The following TAFA2 variants were observed in gnomAD, a reference collection of about 807,000 sequenced individuals.
TAFA2 encodes the protein chemokine-like protein TAFA-2.
A neutral mutation model predicts 18.8 loss-of-function variants in TAFA2; 7 were observed. The observed-to-expected ratio is 0.37, with a 90% CI of 0.21 to 0.70. The LOEUF is 0.70. Among genes scored for constraint, TAFA2 ranks in the 30% least tolerant of loss-of-function variants. TAFA2 has a pLI of 0.53. For synonymous variants in TAFA2, 60 were observed against 54.2 expected (o/e 1.11, Z -0.47); for missense variants, 122 against 158.1 (o/e 0.77, Z 1.23).
intron 1 of TAFA2, among the ~76,000 whole-genome samples, chr12:62,118,930 T>C (rs976455951): frequency 2.0e-5 from 3 of 152,140 alleles, no homozygotes; most frequent in African/African-American, 7.2e-5. Flanking sequence ...AACTAAAGCT[T>C]TTAATTTTAA....
At chr12:62,078,586 T>G (rs77771204) in intron 1 of TAFA2, among the ~76,000 whole-genome samples, 2,857 of 152,186 alleles carry the variant, frequency 0.019, 96 homozygotes, top group African/African-American at 0.065. Flanking sequence ...TAAAGAAGCA[T>G]GTTATCAGAC....
At chr12:61,882,767 A>C (rs1875204173) in intron 1 of TAFA2, among the ~76,000 whole-genome samples, 1 of 152,160 alleles carries the variant, frequency 6.6e-6, no homozygotes, top group African/African-American at 2.4e-5. Context: ...ATAACACAGA[A>C]AGAATGCAGG....
chr12:61,817,494 G>T (rs1481872808), intron 2 of TAFA2, among the ~76,000 whole-genome samples: 1 of 152,054 alleles, frequency 6.6e-6, no homozygotes, highest in Non-Finnish European at 1.5e-5. Context: ...TGACTTACTG[G>T]AAATCTTACA....
At chr12:61,753,872 G>T in intron 3 of TAFA2, 126 bp from the exon 4 acceptor site, 1 of 673,320 alleles carries the variant, frequency 1.5e-6, no homozygotes, top group Non-Finnish European at 2.3e-6. Context: ...TTTGAGGTAT[G>T]CCTTTCTTTT....
intron 1 of TAFA2, among the ~76,000 whole-genome samples, chr12:62,181,993 C>CCCA (rs1555196470): frequency 3.4e-5 from 5 of 148,518 alleles, no homozygotes; most frequent in South Asian, 2.2e-4. Flanking sequence ...AAGTCCATCC[C>CCCA]CCCCCCGCTA....
chr12:61,919,697 TTATG>T (rs1302324876), intron 1 of TAFA2, among the ~76,000 whole-genome samples: 1 of 151,514 alleles, frequency 6.6e-6, no homozygotes, highest in Admixed American at 6.6e-5. Context: ...TATTTTATAC[TTATG>T]TTTTATTTCA....
At chr12:62,117,266 G>A (rs1027253736) in intron 1 of TAFA2, among the ~76,000 whole-genome samples, 1 of 151,996 alleles carries the variant, frequency 6.6e-6, no homozygotes, top group Non-Finnish European at 1.5e-5. Flanking sequence ...ATTCCTACTC[G>A]TTTTATTGGT....
chr12:62,004,034 T>C (rs1446430794), intron 1 of TAFA2, among the ~76,000 whole-genome samples: 2 of 152,176 alleles, frequency 1.3e-5, no homozygotes, highest in Admixed American at 1.3e-4. Context: ...CACAAGTCCA[T>C]CTATAAAATC....
At chr12:61,954,311 T>C (rs932232550) in intron 1 of TAFA2, among the ~76,000 whole-genome samples, 5 of 152,184 alleles carry the variant, frequency 3.3e-5, no homozygotes, top group East Asian at 1.9e-4. Context: ...GAGCTAGTAA[T>C]AGGAAATAAT....
At chr12:61,725,110 T>G (rs979284145) in intron 4 of TAFA2, among the ~76,000 whole-genome samples, 2 of 152,066 alleles carry the variant, frequency 1.3e-5, no homozygotes, top group African/African-American at 4.8e-5. Flanking sequence ...TATCTATTTA[T>G]GTCCTTAGCC....
intron 1 of TAFA2, among the ~76,000 whole-genome samples, chr12:62,000,420 A>G (rs573514990): frequency 6.8e-6 from 1 of 146,444 alleles, no homozygotes; most frequent in African/African-American, 2.5e-5. Flanking sequence ...TGTGGAGTAC[A>G]TGGACCTCTC....
chr12:61,895,930 T>C (rs535871670), intron 1 of TAFA2, among the ~76,000 whole-genome samples: 2 of 152,104 alleles, frequency 1.3e-5, no homozygotes, highest in African/African-American at 4.8e-5. Flanking sequence ...TTTGGTTATA[T>C]ACAGAAGTTA....
At chr12:61,789,394 T>C (rs1397745899) in intron 2 of TAFA2, among the ~76,000 whole-genome samples, 2 of 151,976 alleles carry the variant, frequency 1.3e-5, no homozygotes, top group African/African-American at 2.4e-5. Context: ...ATTTATTAAA[T>C]AGGGAATCCT....
chr12:62,251,503 A>C (rs1237634231), intron 1 of TAFA2, among the ~76,000 whole-genome samples: 4 of 152,234 alleles, frequency 2.6e-5, no homozygotes, highest in African/African-American at 9.6e-5. Flanking sequence ...CTGCCAGGGT[A>C]AAGACCAAAA....
At chr12:61,888,023 C>T (rs921256907) in intron 1 of TAFA2, among the ~76,000 whole-genome samples, 1 of 151,878 alleles carries the variant, frequency 6.6e-6, no homozygotes, top group African/African-American at 2.4e-5. Flanking sequence ...ATCAAAACCA[C>T]AATGAGATAC....
chr12:61,768,639 T>C (rs533159939), intron 2 of TAFA2, among the ~76,000 whole-genome samples: 37 of 152,060 alleles, frequency 2.4e-4, no homozygotes, highest in South Asian at 1.7e-3. Flanking sequence ...AAGTGAAATA[T>C]AAGAGTAGAG....
At chr12:61,969,915 C>T (rs1879189410) in intron 1 of TAFA2, among the ~76,000 whole-genome samples, 1 of 151,344 alleles carries the variant, frequency 6.6e-6, no homozygotes, top group East Asian at 1.9e-4. Context: ...TCAAGAGATC[C>T]AATATGGCTA....
intron 1 of TAFA2, among the ~76,000 whole-genome samples, chr12:62,211,267 GCTTA>G (rs984914818): frequency 2.0e-5 from 3 of 152,110 alleles, no homozygotes; most frequent in African/African-American, 7.2e-5. Flanking sequence ...TAGAGTATGT[GCTTA>G]CTTAAAATTT....
At chr12:61,931,382 T>C (rs1174901117) in intron 1 of TAFA2, among the ~76,000 whole-genome samples, 4 of 152,196 alleles carry the variant, frequency 2.6e-5, no homozygotes, top group Non-Finnish European at 5.9e-5. Context: ...TTCAAATAGA[T>C]ATAATAAAAA....
Sources: allele counts gnomAD v4.1 joint callset (sites outside exome capture counted in the v4.1 genomes callset), GRCh38; gene constraint gnomAD v4.1.1; transcripts MANE v1.5; gene names NCBI Gene and HGNC (gene_info 2026-07-23, HGNC 2026-07-21).